Variants in HSF4 observed in about 807,000 individuals in gnomAD.
HSF4 encodes the protein heat shock factor protein 4.
In HSF4, 41 loss-of-function variants were observed where a neutral mutation model predicts 52.0. The observed-to-expected ratio is 0.79, with a 90% confidence interval of 0.61 to 1.02. The LOEUF (loss-of-function observed/expected upper bound fraction) is 1.02. HSF4 is among the 50% of genes least tolerant of loss of function. HSF4 has a pLI of 0.00. For synonymous variants in HSF4, 285 were observed against 273.0 expected (o/e 1.04, Z -0.43); for missense variants, 610 against 651.1 (o/e 0.94, Z 0.69).
chr16:67,168,913 G>A lies in HSF4; in HGVS notation c.1165G>A (p.Val389Met), dbSNP rs2031519116. The A allele has an allele frequency of 2.5e-6, 4 of 1,614,116 alleles. No individual in the cohort carries two copies. The highest frequency in any genetic ancestry group is 2.7e-5 in the African/African-American group (2 of 75,044). ...PMLLQPPQESVEPAGPLDVLG... is the reference protein window; with the variant it reads ...PMLLQPPQESMEPAGPLDVLG... ...GCTGCTTCAGCCCCCTCAAGAAAGT[G>A]TGGAACCTGCAGGGCCTCTAGATGT... Residue 389 changes from valine to methionine, a missense_variant, in exon 10 of 13, where the codon GTG becomes ATG. Coordinates refer to ENST00000521374, the MANE Select transcript of HSF4 (RefSeq NM_001374675.1).
In HSF4 at chr16:67,169,060, C is replaced by CG; in HGVS notation, c.1214dup (p.Glu406ArgfsTer23). Reference sequence around the variant, plus strand: ...GGTGCTGGGCCCCAGTCTCCAAGGGCGAGAATGGACCCTGATGGACTTGGA... The same window carrying CG: ...GGTGCTGGGCCCCAGTCTCCAAGGGCGGAGAATGGACCCTGATGGACTTGGA... On this transcript the variant is annotated frameshift_variant, in exon 11 of 13. Transcript: ENST00000521374. LOFTEE classifies it high-confidence loss of function. The surrounding 1 kb of genome is among the most constrained non-coding windows in gnomAD (Gnocchi z 4.3). The CG allele has an allele frequency of 6.2e-7, 1 of 1,613,718 alleles. No individual in the cohort carries two copies. Among genetic ancestry groups the CG allele is most frequent in the Non-Finnish European group, 8.5e-7 (1 of 1,180,014 alleles).
chr16:67,167,436 C>T lies in HSF4; in HGVS notation c.730-39C>T, dbSNP rs770156830. ...TGGTGGGGTTCTGGCTCTCCCTGTGCCTACAGGCCAAGGGCTGGGCCTAGC... is the reference window on the plus strand; with the variant it reads ...TGGTGGGGTTCTGGCTCTCCCTGTGTCTACAGGCCAAGGGCTGGGCCTAGC... On this transcript the variant is annotated intron_variant, in intron 7 of 12. Transcript: ENST00000521374. 5.6e-6 allele frequency: 9 copies of T among 1,613,550 alleles called. No homozygotes were observed. In the South Asian group the frequency reaches 8.8e-5, roughly 16 times the overall value.
At position 67,165,998 on chromosome 16, in the gene HSF4, G is replaced by A. The variant is rs1039305720; in HGVS notation, c.413G>A (p.Arg138Gln). 7 of 1,543,740 alleles carry A rather than the reference G, an allele frequency of 4.5e-6. No individual in the cohort carries two copies. The highest frequency in any genetic ancestry group is 1.4e-5 in the African/African-American group (1 of 73,328). ...DGRWRPEDLG[R>Q]LLGEVQALRG... ...CGCTGGCGCCCGGAGGACCTGGGTC[G>A]ACTACTGGGCGAGGTGCAGGCTTTG... is the stretch of plus-strand genomic sequence containing the variant. Residue 138 changes from arginine to glutamine, a missense_variant, in exon 4 of 13, where the codon CGA (arginine) becomes CAA (glutamine). By Grantham distance (43) the Arg-to-Gln change is conservative. Coordinates refer to ENST00000521374, the MANE Select transcript of HSF4 (RefSeq NM_001374675.1). The surrounding 1 kb of genome is among the most constrained non-coding windows in gnomAD (Gnocchi z 6.9).
Position 67,169,112 on chromosome 16 carries a change from G to A in HSF4, c.1254+11G>A. 6.2e-7 allele frequency: 1 copy of A among 1,611,934 alleles called. No homozygotes were observed. The highest frequency in any genetic ancestry group is 8.5e-7 in the Non-Finnish European group (1 of 1,179,926). On this transcript the variant is annotated intron_variant, in intron 11 of 12. Coordinates refer to ENST00000521374, the MANE Select transcript of HSF4 (RefSeq NM_001374675.1). The surrounding 1 kb of genome is among the most constrained non-coding windows in gnomAD (Gnocchi z 4.3). ...ATGGAGCTGTCCTTGGTAAGAAGTG[G>A]GTCGGGGAGGGCAGAGGCCAGGGGT... is the stretch of plus-strand genomic sequence containing the variant.
upstream of HSF4, chr16:67,163,764 T>C: frequency 1.3e-6 from 2 of 1,586,054 alleles, no homozygotes; most frequent in Non-Finnish European, 8.5e-7. Flanking sequence ...CCTGCGCACC[T>C]ATACCCTCAA....
chr16:67,164,585 CCCT>C (rs1390242044), upstream of HSF4: 1 of 517,178 alleles, frequency 1.9e-6, no homozygotes, highest in Non-Finnish European at 3.7e-6. Flanking sequence ...CCCACCCCAC[CCCT>C]CCACTCCACT....
Position 67,165,949 on chromosome 16 carries a change from C to T in HSF4, c.364C>T (p.Pro122Ser). The T allele has an allele frequency of 6.3e-7, 1 of 1,574,866 alleles. No individual in the cohort carries two copies. The highest frequency in any genetic ancestry group is 8.6e-7 in the Non-Finnish European group (1 of 1,169,006). ...CGACGGTGCCTCCCGCCTGCAGGTG[C>T]CCGCGCTGCGCGGCGACGACGGCCG... ...QLLERVRRKV[P>S]ALRGDDGRWR... Residue 122 changes from proline (P) to serine (S), a missense_variant, in exon 4 of 13, where the codon CCC becomes TCC. Coordinates refer to ENST00000521374, the MANE Select transcript of HSF4 (RefSeq NM_001374675.1). This position sits in a 1 kb window ranked among gnomAD's most constrained non-coding sequence, Gnocchi z 6.9.
chr16:67,165,769 G>A lies in HSF4; in HGVS notation c.283G>A (p.Glu95Lys), dbSNP rs371527905. 2 of 1,610,726 alleles carry A rather than the reference G, an allele frequency of 1.2e-6. No individual in the cohort carries two copies. The highest frequency in any genetic ancestry group is 1.3e-5 in the African/African-American group (1 of 75,044). ...CGAGCAGGGCGGCCTGCTTAGGCCG[G>A]AGCGCGACCACGTCGAGTTCCAGCA... ...SIEQGGLLRP[E>K]RDHVEFQHPS... The change falls in exon 3 of 13, where the codon GAG becomes AAG. Residue 95 changes from glutamate (E) to lysine (K), a missense_variant. Transcript: ENST00000521374. The surrounding 1 kb of genome is among the most constrained non-coding windows in gnomAD (Gnocchi z 6.9).
In HSF4 at chr16:67,165,225, G is replaced by C; in HGVS notation, c.123+291G>C. 1 of 592,628 alleles carries C rather than the reference G, an allele frequency of 1.7e-6. No homozygotes were observed. 36.7% of individuals were successfully genotyped at this position (592,628 alleles called of 1,614,324 possible). Reference sequence around the variant, plus strand: ...AAAACAGAGGCCGGGAGATGGGAAGGGCTGGTCTAGCTCAGGGTCACATTG... The same window carrying C: ...AAAACAGAGGCCGGGAGATGGGAAGCGCTGGTCTAGCTCAGGGTCACATTG... On this transcript the variant is annotated intron_variant, in intron 1 of 12. Transcript: ENST00000521374. This position sits in a 1 kb window ranked among gnomAD's most constrained non-coding sequence, Gnocchi z 6.9.
Position 67,165,495 on chromosome 16 carries a change from A to T in HSF4, c.124-27A>T, listed in dbSNP as rs750531128. 1 of 1,594,768 alleles carries T rather than the reference A, an allele frequency of 6.3e-7. No individual in the cohort carries two copies. Among genetic ancestry groups the T allele is most frequent in the African/African-American group, 1.3e-5 (1 of 74,488 alleles). On this transcript the variant is annotated intron_variant, in intron 1 of 12. Transcript: ENST00000521374. This position sits in a 1 kb window ranked among gnomAD's most constrained non-coding sequence, Gnocchi z 6.9. The stretch of plus-strand genomic sequence containing the variant: ...GCTCACCCTCCTGGTCTCCGCCCGC[A>T]CGGTGGGCGGGCGGCGTTCTTGGTA...
upstream of HSF4, chr16:67,164,339 A>C: frequency 2.6e-6 from 1 of 391,996 alleles, no homozygotes. Flanking sequence ...TGGAATGACT[A>C]CGTCCCGGGG....
At position 67,169,610 on chromosome 16, in the gene HSF4, G is replaced by A. The variant is rs757455318; in HGVS notation, c.1325-21G>A. On this transcript the variant is annotated intron_variant, in intron 12 of 12. Coordinates refer to ENST00000521374, the MANE Select transcript of HSF4 (RefSeq NM_001374675.1). This position sits in a 1 kb window ranked among gnomAD's most constrained non-coding sequence, Gnocchi z 4.3. ...GGAGGGGGAACATTTCCCCTGGTGA[G>A]CGCAGTCCCACTTCTCCTAGGGAAG... The A allele has an allele frequency of 6.2e-7, 1 of 1,603,608 alleles. No individual in the cohort carries two copies. The highest frequency in any genetic ancestry group is 8.5e-7 in the Non-Finnish European group (1 of 1,179,898).
upstream of HSF4, chr16:67,163,907 T>C: frequency 6.6e-7 from 1 of 1,517,438 alleles, no homozygotes; most frequent in East Asian, 2.3e-5. Context: ...CGAGTGCTAG[T>C]GCCTTCTTTT....
Position 67,169,493 on chromosome 16 carries a change from C to A in HSF4, c.1325-138C>A. 6.3e-7 allele frequency: 1 copy of A among 1,580,242 alleles called. No homozygotes were observed. The highest frequency in any genetic ancestry group is 2.3e-5 in the East Asian group (1 of 43,462). ...GCGTTCCTTGAGCCACCCATGCCCT[C>A]ACCATTGGGCGAGAGTGGGGAGGTT... On this transcript the variant is annotated intron_variant, in intron 12 of 12. Transcript: ENST00000521374. This position sits in a 1 kb window ranked among gnomAD's most constrained non-coding sequence, Gnocchi z 4.3.
At chr16:67,164,572 C>T (rs1567667447), upstream of HSF4, 1 of 443,800 alleles carries the variant, frequency 2.3e-6, no homozygotes, top group Non-Finnish European at 4.5e-6. Flanking sequence ...CACCCCACTC[C>T]ACCCCACCCC....
Position 67,169,729 on chromosome 16 carries a change from A to C in HSF4, c.1423A>C (p.Thr475Pro), listed in dbSNP as rs1164494303. 6.2e-7 allele frequency: 1 copy of C among 1,612,676 alleles called. No homozygotes were observed. The change falls in exon 13 of 13, where the codon ACT becomes CCT. Residue 475 changes from threonine (T) to proline (P), a missense_variant. By Grantham distance (38) the Thr-to-Pro change is conservative. Transcript: ENST00000521374. This position sits in a 1 kb window ranked among gnomAD's most constrained non-coding sequence, Gnocchi z 4.3. The part of the protein sequence containing the change: ...GLPGALTIYS[T>P]PESRTASYLG... ...GCCTGGGGCTTTAACCATTTATAGCACTCCTGAGAGCCGGACTGCCTCCTA... is the reference window on the plus strand; with the variant it reads ...GCCTGGGGCTTTAACCATTTATAGCCCTCCTGAGAGCCGGACTGCCTCCTA...
intron 1 of HSF4, 61 bp downstream of exon 1, chr16:67,164,995 A>AC: frequency 6.7e-7 from 1 of 1,492,480 alleles, no homozygotes; most frequent in Non-Finnish European, 9.0e-7. Flanking sequence ...GTCAGTGAAC[A>AC]CCCATGCCCG....
rs774126868 is a variant in HSF4 at position 67,164,779 on chromosome 16, G to A, written c.-33G>A. 24 of 1,574,806 alleles carry A rather than the reference G, an allele frequency of 1.5e-5. No individual in the cohort carries two copies. The highest frequency in any genetic ancestry group is 2.2e-4 in the Middle Eastern group (1 of 4,524). On this transcript the variant is annotated 5_prime_UTR_variant, in exon 1 of 13. Transcript: ENST00000521374. ...GGCTTTGACGAGCCCGCAGCGGCCG[G>A]GCCCGAGCGCAGAGCCGGGCCGAGA...
At chr16:67,163,805 T>C (rs760941368), upstream of HSF4, 27 of 1,555,884 alleles carry the variant, frequency 1.7e-5, 1 homozygote, top group South Asian at 3.1e-4. Context: ...CCTGGAGGCC[T>C]ACGCTCGTGG....
Sources: gnomAD v4.1 joint callset for allele counts on GRCh38, gnomAD v4.1.1 for gene constraint, Gnocchi (gnomAD v3.1) non-coding constraint, MANE v1.5 for transcripts, NCBI Gene and HGNC (gene_info 2026-07-23, HGNC 2026-07-21) for gene names.